ERC2: variants seen among roughly 807,000 people sequenced by gnomAD.
ERC2 encodes the protein ELKS/RAB6-interacting/CAST family member 2, also known as ERC protein 2.
In ERC2, 42 loss-of-function variants were observed where a neutral mutation model predicts 114.8. The observed-to-expected ratio is 0.37, with a 90% CI of 0.29 to 0.47. The LOEUF is 0.47. Among genes scored for constraint, ERC2 ranks in the 20% least tolerant of loss-of-function variants. The probability of loss-of-function intolerance (pLI) is 0.99; values close to 1 mark genes in which losing one functional copy is unlikely to be tolerated. For missense variants in ERC2, 939 were observed against 1,150.7 expected (o/e 0.82, Z 2.66); for synonymous variants, 454 against 425.5 (o/e 1.07, Z -0.82).
chr3:56,241,192 C>T (rs896145860), intron 3 of ERC2, among the ~76,000 whole-genome samples: 3 of 151,808 alleles, frequency 2.0e-5, no homozygotes, highest in Non-Finnish European at 2.9e-5. Flanking sequence ...GAACTCAACT[C>T]AACAAGAAAA....
intron 17 of ERC2, among the ~76,000 whole-genome samples, chr3:55,642,777 T>C (rs2060242057): frequency 6.6e-6 from 1 of 152,220 alleles, no homozygotes; most frequent in Admixed American, 6.5e-5. Flanking sequence ...GTTTGCTTGT[T>C]AAATTCACAT....
chr3:55,689,879 T>C (rs1043798621), intron 16 of ERC2, among the ~76,000 whole-genome samples: 1 of 152,072 alleles, frequency 6.6e-6, no homozygotes, highest in Non-Finnish European at 1.5e-5. Context: ...AGGTTTGCTG[T>C]GCAAATTAAA....
chr3:55,678,994 C>A (rs762071259), intron 17 of ERC2, among the ~76,000 whole-genome samples: 1 of 152,202 alleles, frequency 6.6e-6, no homozygotes, highest in Non-Finnish European at 1.5e-5. Context: ...ACAGCCTCTA[C>A]TTCTGCTCTT....
chr3:56,104,618 C>T (rs2078545857), intron 6 of ERC2, among the ~76,000 whole-genome samples: 1 of 136,152 alleles, frequency 7.3e-6, no homozygotes, highest in African/African-American at 2.8e-5. Context: ...GACTAGGACA[C>T]ATTCTAGATC....
chr3:55,593,973 A>T (rs925066005), intron 17 of ERC2, among the ~76,000 whole-genome samples: 1 of 152,148 alleles, frequency 6.6e-6, no homozygotes, highest in Non-Finnish European at 1.5e-5. Context: ...CTTCAGTGCC[A>T]GAAGTTACGG....
chr3:55,774,022 T>G (rs186497736), intron 14 of ERC2, among the ~76,000 whole-genome samples: 2 of 152,296 alleles, frequency 1.3e-5, no homozygotes, highest in Admixed American at 1.3e-4. Context: ...AATCATAATC[T>G]TTTTGAAAAA....
chr3:55,776,784 T>C (rs1188981517), intron 14 of ERC2, among the ~76,000 whole-genome samples: 1 of 152,076 alleles, frequency 6.6e-6, no homozygotes, highest in Non-Finnish European at 1.5e-5. Flanking sequence ...GAGAAGAAAA[T>C]GAGAAAGCTC....
intron 13 of ERC2, among the ~76,000 whole-genome samples, chr3:55,914,737 G>A (rs2065000025): frequency 1.3e-5 from 2 of 152,078 alleles, no homozygotes; most frequent in Non-Finnish European, 2.9e-5. Context: ...GGCCCACAAA[G>A]GAAGCAGCTA....
rs553745576 is a variant in ERC2 at position 56,021,359 on chromosome 3, G to A, written c.1642-2328C>T. ...TCTGCTTGAATTTTCTAACCATGTGGGTTTTATTATTTTAAAATGTCAATC... is the reference window on the plus strand; with the variant it reads ...TCTGCTTGAATTTTCTAACCATGTGAGTTTTATTATTTTAAAATGTCAATC... On this transcript the variant is annotated intron_variant, in intron 7 of 17. Coordinates refer to ENST00000288221, the MANE Select transcript of ERC2 (RefSeq NM_015576.3). 2.9e-4 allele frequency among the ~76,000 whole-genome samples: 44 copies of A among 150,736 alleles called. 1 individual carries two copies. Among genetic ancestry groups the A allele is most frequent in the Non-Finnish European group, 8.9e-5 (6 of 67,588 alleles).
chr3:56,106,331 A>G (rs1456343166), intron 6 of ERC2, among the ~76,000 whole-genome samples: 2 of 152,234 alleles, frequency 1.3e-5, no homozygotes, highest in Admixed American at 1.3e-4. Flanking sequence ...ATAGAAGTTC[A>G]CCTGTAAGCA....
At chr3:56,276,641 T>C (rs2054017763) in intron 3 of ERC2, among the ~76,000 whole-genome samples, 1 of 152,200 alleles carries the variant, frequency 6.6e-6, no homozygotes, top group African/African-American at 2.4e-5. Context: ...CATTTGAATA[T>C]AATTTGAGAG....
chr3:55,992,433 G>A (rs1170468632), intron 10 of ERC2, among the ~76,000 whole-genome samples, 183 bp from the exon 11 acceptor site: 1 of 152,108 alleles, frequency 6.6e-6, no homozygotes, highest in African/African-American at 2.4e-5. Flanking sequence ...GAAGAATGCT[G>A]ATTTTAAAAT....
At chr3:55,556,170 T>C (rs191066784) in intron 17 of ERC2, among the ~76,000 whole-genome samples, 6 of 152,300 alleles carry the variant, frequency 3.9e-5, no homozygotes, top group Admixed American at 1.3e-4. Context: ...ATTTCCTAAC[T>C]CTTCATCCAG....
At chr3:55,770,284 T>C (rs991433196) in intron 14 of ERC2, among the ~76,000 whole-genome samples, 14 of 152,168 alleles carry the variant, frequency 9.2e-5, no homozygotes, top group Admixed American at 3.3e-4. Flanking sequence ...AGCCCACTAA[T>C]ATAGCTTATA....
intron 17 of ERC2, among the ~76,000 whole-genome samples, chr3:55,586,022 G>C (rs963659328): frequency 6.6e-6 from 1 of 152,220 alleles, no homozygotes; most frequent in Non-Finnish European, 1.5e-5. Flanking sequence ...AAAGGGCAGC[G>C]TTTGAGAGCA....
At chr3:55,919,858 A>G (rs142023485) in intron 13 of ERC2, among the ~76,000 whole-genome samples, 3 of 152,286 alleles carry the variant, frequency 2.0e-5, no homozygotes, top group African/African-American at 7.2e-5. Flanking sequence ...AAAAGCCCCA[A>G]GGTGGAAGGG....
At chr3:56,362,940 T>G (rs1271547153) in intron 2 of ERC2, among the ~76,000 whole-genome samples, 1 of 152,230 alleles carries the variant, frequency 6.6e-6, no homozygotes, top group African/African-American at 2.4e-5. Flanking sequence ...TTGAGGATAT[T>G]GGCTCCTCAT....
intron 17 of ERC2, among the ~76,000 whole-genome samples, chr3:55,569,845 A>G (rs1156476556): frequency 6.6e-6 from 1 of 150,902 alleles, no homozygotes; most frequent in Non-Finnish European, 1.5e-5. Context: ...TCTATTTTGG[A>G]GATGACTTCA....
chr3:55,969,392 T>TACACACACAC lies in ERC2; in HGVS notation c.2267+16575_2267+16584dup, dbSNP rs10555030. The stretch of plus-strand genomic sequence containing the variant: ...TCGCTGGTCAGGAATTTTATACACA[T>TACACACACAC]ACACACACACACACACACACACACA... On this transcript the variant is annotated intron_variant, in intron 12 of 17. Transcript: ENST00000288221. Among the ~76,000 whole-genome samples, 146 of 140,682 alleles carry TACACACACAC rather than the reference T, an allele frequency of 1.0e-3. 2 individuals carry two copies. Among genetic ancestry groups the TACACACACAC allele is most frequent in the Middle Eastern group, 7.4e-3 (2 of 272 alleles). 92.3% of individuals were successfully genotyped at this position (140,682 alleles called of 152,430 possible). A position where few individuals can be genotyped will look rare whatever the true frequency, so the allele number is the denominator to read the frequency against.
Sources: allele counts gnomAD v4.1 joint callset (sites outside exome capture counted in the v4.1 genomes callset), GRCh38; gene constraint gnomAD v4.1.1; transcripts MANE v1.5; gene names NCBI Gene and HGNC (gene_info 2026-07-23, HGNC 2026-07-21).